NFXL1: variants seen among roughly 807,000 people sequenced by gnomAD.
The protein encoded by NFXL1 is NF-X1-type zinc finger protein NFXL1.
Under a neutral mutation model 123.3 loss-of-function variants are expected in NFXL1, and 66 were observed. The observed-to-expected ratio is 0.54, with a 90% CI of 0.44 to 0.66. NFXL1 has a LOEUF of 0.66. Ranked by LOEUF, NFXL1 falls within the 30% of genes least tolerant of loss-of-function variation. NFXL1 has a pLI of 0.00. For missense variants in NFXL1, 944 were observed against 1,125.6 expected (o/e 0.84, Z 2.31); for synonymous variants, 346 against 360.8 (o/e 0.96, Z 0.46).
rs920430533 is a variant in NFXL1 at position 47,914,579 on chromosome 4, G to A, written c.-217C>T. On this transcript the variant is annotated 5_prime_UTR_variant, in exon 1 of 23. Coordinates refer to ENST00000507489, the MANE Select transcript of NFXL1 (RefSeq NM_001278624.2). ...CGTCTCCCGCCGGGAACCAACTGCA[G>A]TGGTACACCCCACGGAAAGCTACGT... The A allele has an allele frequency of 4.9e-6, 1 of 202,682 alleles. No homozygotes were observed. Among genetic ancestry groups the A allele is most frequent in the African/African-American group, 2.3e-5 (1 of 43,522 alleles). 12.6% of individuals were successfully genotyped at this position (202,682 alleles called of 1,614,324 possible).
At chr4:47,887,397 C>T (rs180700197) in intron 12 of NFXL1, among the ~76,000 whole-genome samples, 497 of 152,172 alleles carry the variant, frequency 3.3e-3, no homozygotes, top group Non-Finnish European at 5.6e-3. Flanking sequence ...CTAAAACAAA[C>T]ACAAATTAAG....
chr4:47,877,045 G>A (rs1735798866), intron 17 of NFXL1: 2 of 1,252,630 alleles, frequency 1.6e-6, no homozygotes, highest in South Asian at 2.5e-5. Context: ...CTTCCTATGT[G>A]GTACACCTAC....
rs1736954470 is a variant in NFXL1 at position 47,894,367 on chromosome 4, C to T, written c.1330-65G>A. On this transcript the variant is annotated intron_variant, in intron 10 of 22. Coordinates refer to ENST00000507489, the MANE Select transcript of NFXL1 (RefSeq NM_001278624.2). ...TTAATATTTTTTCCTCACATTGCAA[C>T]TTCTACAATTATTAAAACATAATGA... The T allele has an allele frequency of 4.2e-6, 5 of 1,204,140 alleles. No individual in the cohort carries two copies. The South Asian group carries it at 9.0e-5, about 22-fold the overall frequency. 74.6% of individuals were successfully genotyped at this position (1,204,140 alleles called of 1,614,324 possible).
chr4:47,886,959 A>C (rs1303499540), intron 12 of NFXL1, among the ~76,000 whole-genome samples: 1 of 152,180 alleles, frequency 6.6e-6, no homozygotes, highest in Non-Finnish European at 1.5e-5. Context: ...TTTTCCATTA[A>C]TTGTGCTTTG....
In NFXL1 at chr4:47,896,652, A is replaced by T; in HGVS notation, c.1205-5T>A. The T allele has an allele frequency of 1.3e-6, 2 of 1,597,074 alleles. No homozygotes were observed. The highest frequency in any genetic ancestry group is 1.7e-6 in the Non-Finnish European group (2 of 1,166,058). On this transcript the variant is annotated splice_region_variant and splice_polypyrimidine_tract_variant and intron_variant, in intron 9 of 22. Coordinates refer to ENST00000507489, the MANE Select transcript of NFXL1 (RefSeq NM_001278624.2). ...CTGTACAAGGCAAAGAAAACTCTAAAAACATACAAAAAGTCAATGTTAATA... is the reference window on the plus strand; with the variant it reads ...CTGTACAAGGCAAAGAAAACTCTAATAACATACAAAAAGTCAATGTTAATA...
chr4:47,880,806 GTAAAAA>G (rs1736056815), intron 15 of NFXL1, among the ~76,000 whole-genome samples: 1 of 24,354 alleles, frequency 4.1e-5, no homozygotes, highest in African/African-American at 1.6e-4. Context: ...TAATTAATGA[GTAAAAA>G]AAAAAAAAAA....
At chr4:47,878,478 T>G in intron 17 of NFXL1, 47 bp downstream of exon 17, 1 of 1,385,106 alleles carries the variant, frequency 7.2e-7, no homozygotes, top group South Asian at 1.6e-5. Flanking sequence ...TGAAAAAACG[T>G]TTCAAGAATA....
chr4:47,909,794 G>T (rs1156611148), intron 3 of NFXL1, among the ~76,000 whole-genome samples: 1 of 151,918 alleles, frequency 6.6e-6, no homozygotes. Context: ...GAGTAGCTGG[G>T]ATTACAGGTG....
chr4:47,867,547 T>A (rs1198782024), intron 18 of NFXL1, among the ~76,000 whole-genome samples: 1 of 152,042 alleles, frequency 6.6e-6, no homozygotes, highest in Non-Finnish European at 1.5e-5. Flanking sequence ...AATATTGAAC[T>A]TATATGTTGA....
In NFXL1 at chr4:47,905,634, G is replaced by C. The variant is rs80071359; in HGVS notation, c.407-288C>G. Among the ~76,000 whole-genome samples, 78 of 151,920 alleles carry C rather than the reference G, an allele frequency of 5.1e-4. 2 individuals carry two copies. In the East Asian group the frequency reaches 0.015, roughly 28 times the overall value. On this transcript the variant is annotated intron_variant, in intron 3 of 22. Coordinates refer to ENST00000507489, the MANE Select transcript of NFXL1 (RefSeq NM_001278624.2). ...ATTCTCAACAAATTTGGCAGAAGCAGAGCCATAAGCAACAGCAGCAAGATG... is the reference window on the plus strand; with the variant it reads ...ATTCTCAACAAATTTGGCAGAAGCACAGCCATAAGCAACAGCAGCAAGATG...
In NFXL1 at chr4:47,894,298, A is replaced by G. The variant is rs149138345; in HGVS notation, c.1334T>C (p.Val445Ala). 2.8e-4 allele frequency: 436 copies of G among 1,580,686 alleles called. 3 individuals carry two copies. The Middle Eastern group carries it at 2.8e-3, about 10-fold the overall frequency. ...RGPCETCRQE[V>A]EKHCRCGKHT... ...CTTTCCACAGCGACAATGCTTTTCCACTTCCTGGAAGAATAAAAGAAATGC... is the reference window on the plus strand; with the variant it reads ...CTTTCCACAGCGACAATGCTTTTCCGCTTCCTGGAAGAATAAAAGAAATGC... Residue 445 changes from valine to alanine, a missense_variant, in exon 11 of 23, where the codon GTG (valine) becomes GCG (alanine). Physicochemically the swap from Val to Ala is moderately conservative, Grantham distance 64. Around this residue, in one of 4 missense-constraint regions of NFXL1, gnomAD observed 296 missense variants for 395.1 expected, o/e 0.75. Coordinates refer to ENST00000507489, the MANE Select transcript of NFXL1 (RefSeq NM_001278624.2).
At chr4:47,888,034 G>A (rs1333788448) in intron 12 of NFXL1, among the ~76,000 whole-genome samples, 1 of 152,074 alleles carries the variant, frequency 6.6e-6, no homozygotes, top group African/African-American at 2.4e-5. Flanking sequence ...CCAGCACTTT[G>A]GGAGGCCGAA....
chr4:47,896,217 G>C (rs4695303), intron 10 of NFXL1, among the ~76,000 whole-genome samples: 1 of 152,034 alleles, frequency 6.6e-6, no homozygotes, highest in African/African-American at 2.4e-5. Flanking sequence ...ATTACCAAAT[G>C]TGACAGATAC....
At chr4:47,905,561 G>C (rs1737530938) in intron 3 of NFXL1, among the ~76,000 whole-genome samples, 1 of 152,114 alleles carries the variant, frequency 6.6e-6, no homozygotes, top group Admixed American at 6.6e-5. Context: ...TTCAAAATCA[G>C]TACCTCAGCT....
intron 15 of NFXL1, among the ~76,000 whole-genome samples, chr4:47,880,803 T>C (rs1354963356): frequency 1.6e-4 from 7 of 43,258 alleles, no homozygotes; most frequent in Non-Finnish European, 3.1e-4. Context: ...ACCTAATTAA[T>C]GAGTAAAAAA....
rs1234908646 is a variant in NFXL1, at chr4:47,855,128, A to T, written c.2352T>A (p.His784Gln). 1 of 1,590,438 alleles carries T rather than the reference A, an allele frequency of 6.3e-7. No homozygotes were observed. Among genetic ancestry groups the T allele is most frequent in the Non-Finnish European group, 8.6e-7 (1 of 1,164,384 alleles). ...PCGHRCKEMCHPGECPFNCNQ... is the reference protein window; with the variant it reads ...PCGHRCKEMCQPGECPFNCNQ... ...TGCAGTTAAAGGGACATTCACCAGGATGACACATCTCTTTGCATCTATGAC... is the reference window on the plus strand; with the variant it reads ...TGCAGTTAAAGGGACATTCACCAGGTTGACACATCTCTTTGCATCTATGAC... The change falls in exon 20 of 23, where the codon CAT becomes CAA. Residue 784 changes from histidine (H) to glutamine (Q), a missense_variant. His to Gln is a conservative substitution (Grantham distance 24). Around this residue, in one of 4 missense-constraint regions of NFXL1, gnomAD observed 301 missense variants for 348.0 expected, o/e 0.86. Transcript: ENST00000507489.
At chr4:47,894,714 G>A (rs1045391310) in intron 10 of NFXL1, among the ~76,000 whole-genome samples, 4 of 152,044 alleles carry the variant, frequency 2.6e-5, no homozygotes, top group African/African-American at 9.7e-5. Context: ...TCAAGTCTAG[G>A]CCTCTACTGA....
chr4:47,864,054 G>A (rs577092872), intron 18 of NFXL1, among the ~76,000 whole-genome samples: 2 of 152,138 alleles, frequency 1.3e-5, no homozygotes, highest in African/African-American at 4.8e-5. Flanking sequence ...TATACTCTAA[G>A]ATATTTCTTG....
intron 12 of NFXL1, among the ~76,000 whole-genome samples, chr4:47,889,441 A>T (rs1452666713): frequency 6.6e-6 from 1 of 152,194 alleles, no homozygotes; most frequent in African/African-American, 2.4e-5. Flanking sequence ...GTATAATGGA[A>T]ATAACATAAA....
Sources: gnomAD v4.1 joint callset for allele counts (sites outside exome capture counted in the v4.1 genomes callset) on GRCh38, gnomAD v4.1.1 for gene constraint, gnomAD v4.1.1 regional missense constraint, MANE v1.5 for transcripts, NCBI Gene and HGNC (gene_info 2026-07-23, HGNC 2026-07-21) for gene names.